Variants in CPSF4L observed in about 807,000 individuals in gnomAD.
CPSF4L encodes putative cleavage and polyadenylation specificity factor subunit 4-like protein.
A neutral mutation model predicts 24.0 loss-of-function variants in CPSF4L; 18 were observed. The observed-to-expected ratio is 0.75, with a 90% CI of 0.52 to 1.11. The LOEUF (loss-of-function observed/expected upper bound fraction) is 1.11. CPSF4L is among the 50% of genes least tolerant of loss of function. CPSF4L has a pLI of 0.00. For synonymous variants in CPSF4L, 72 were observed against 77.2 expected, an observed-to-expected ratio of 0.93 and a Z score of 0.35; for missense variants, 211 against 221.8, an observed-to-expected ratio of 0.95 and a Z score of 0.31.
chr17:73,262,895 C>G (rs1299929419), upstream of CPSF4L, among the ~76,000 whole-genome samples: 1 of 152,160 alleles, frequency 6.6e-6, no homozygotes, highest in African/African-American at 2.4e-5. Flanking sequence ...GCTGTTGTTC[C>G]CCGTGGCTGT....
At position 73,248,550 on chromosome 17, in the gene CPSF4L, A is replaced by G; in HGVS notation, c.498-14T>C. The stretch of plus-strand genomic sequence containing the variant: ...TCCCGAATCTTCCTGCAAGGTGCAT[A>G]CAAATGCAGCGTGAGAATCCATACA... On this transcript the variant is annotated splice_polypyrimidine_tract_variant and intron_variant, in intron 5 of 5. Transcript: ENST00000344935. 6.4e-7 allele frequency: 1 copy of G among 1,551,556 alleles called. No individual in the cohort carries two copies. The highest frequency in any genetic ancestry group is 8.7e-7 in the Non-Finnish European group (1 of 1,146,872).
intron 5 of CPSF4L, chr17:73,250,096 T>C (rs1466224481): frequency 3.3e-6 from 2 of 606,482 alleles, no homozygotes; most frequent in East Asian, 3.3e-5. Flanking sequence ...ACTTACAGGA[T>C]CAAAAGAAAT....
In CPSF4L at chr17:73,257,851, C is replaced by T. The variant is rs1019839474; in HGVS notation, c.155-18G>A. 2 of 1,550,720 alleles carry T rather than the reference C, an allele frequency of 1.3e-6. No homozygotes were observed. Among genetic ancestry groups the T allele is most frequent in the South Asian group, 1.2e-5 (1 of 84,010 alleles). ...GAGTTTCCCTGGAGATGCCAGAGCA[C>T]CTGGCTGGGAGGCCCCTCATCCACA... On this transcript the variant is annotated intron_variant, in intron 2 of 5. Coordinates refer to ENST00000344935, the MANE Select transcript of CPSF4L (RefSeq NM_001129885.1).
chr17:73,255,737 A>G (rs1364438599), intron 3 of CPSF4L, among the ~76,000 whole-genome samples: 1 of 152,170 alleles, frequency 6.6e-6, no homozygotes, highest in Non-Finnish European at 1.5e-5. Context: ...TTTCTAATGA[A>G]TCAAAGTGAC....
At chr17:73,247,640 A>G, downstream of CPSF4L, 1 of 247,294 alleles carries the variant, frequency 4.0e-6, no homozygotes, top group East Asian at 9.3e-5. Flanking sequence ...CATGAGTCCT[A>G]AAAGGATATC....
At chr17:73,245,578 A>G, downstream of CPSF4L, 1 of 985,446 alleles carries the variant, frequency 1.0e-6, no homozygotes, top group Non-Finnish European at 1.2e-6. Context: ...ATACCAGACT[A>G]CTACCTATAT....
At chr17:73,254,810 A>AT (rs1397120723) in intron 3 of CPSF4L, among the ~76,000 whole-genome samples, 3 of 152,030 alleles carry the variant, frequency 2.0e-5, no homozygotes, top group Admixed American at 1.3e-4. Flanking sequence ...CGCATGGCTA[A>AT]TTTTTTGTAT....
At chr17:73,247,438 T>A, downstream of CPSF4L, 2 of 1,235,794 alleles carry the variant, frequency 1.6e-6, no homozygotes, top group Non-Finnish European at 2.4e-6. Flanking sequence ...CTAAGTGTAG[T>A]GGTAGCATTA....
At chr17:73,243,089 T>C in the CPSF4L span, 1 of 803,748 alleles carries the variant, frequency 1.2e-6, no homozygotes, top group African/African-American at 2.5e-5. Flanking sequence ...TTTTTTTTTT[T>C]TTTTTTTTTT....
At chr17:73,242,346 A>C in the CPSF4L span, 1 of 1,570,126 alleles carries the variant, frequency 6.4e-7, no homozygotes. Context: ...GGAGCTGTAC[A>C]AAAAGGTGAG....
chr17:73,248,262 G>A, downstream of CPSF4L: 1 of 513,198 alleles, frequency 1.9e-6, no homozygotes, highest in Non-Finnish European at 3.5e-6. Context: ...ACGAATAGTA[G>A]ACAAGTAAGA....
At chr17:73,250,893 T>C (rs2062002951) in intron 5 of CPSF4L, 1 of 1,149,368 alleles carries the variant, frequency 8.7e-7, no homozygotes, top group African/African-American at 1.6e-5. Context: ...AAAGGAGTCA[T>C]TCTCCAGCTC....
rs1033513916 is a variant in CPSF4L at position 73,252,618 on chromosome 17, GATC to G, written c.497+9_497+11del. ...CTCTGGTGGGAGTTGGTAACTGAGG[GATC>G]ATACTTACTGAGCAAATTGGCACTT... On this transcript the variant is annotated intron_variant, in intron 5 of 5. Coordinates refer to ENST00000344935, the MANE Select transcript of CPSF4L (RefSeq NM_001129885.1). The G allele has an allele frequency of 2.6e-6, 4 of 1,509,604 alleles. No homozygotes were observed. The highest frequency in any genetic ancestry group is 3.6e-6 in the Non-Finnish European group (4 of 1,108,606). 93.5% of individuals were successfully genotyped at this position (1,509,604 alleles called of 1,614,324 possible).
In CPSF4L at chr17:73,248,672, TTAC is replaced by T. The variant is rs1389952393; in HGVS notation, c.498-139_498-137del. ...TGAGAGGACGTATTTGAAGGTTCTG[TTAC>T]TACAAGTTGGGAATATTCACGGACA... On this transcript the variant is annotated intron_variant, in intron 5 of 5. Transcript: ENST00000344935. 7 of 880,530 alleles carry T rather than the reference TTAC, an allele frequency of 7.9e-6. No individual in the cohort carries two copies. In the Admixed American group the frequency reaches 1.1e-4, roughly 13 times the overall value. The allele number at this position is 880,530 out of a possible 1,614,324, so 54.5% of individuals were successfully genotyped here.
chr17:73,261,762 G>C lies in CPSF4L; in HGVS notation c.57C>G (p.Val19=), dbSNP rs917410480. 1.3e-6 allele frequency: 2 copies of C among 1,551,752 alleles called. No individual in the cohort carries two copies. Among genetic ancestry groups the C allele is most frequent in the Non-Finnish European group, 8.7e-7 (1 of 1,146,974 alleles). The part of the protein sequence containing the change: ...ERFTFAFEKD[V]EMQKGTGLLP... Reference sequence around the variant, plus strand: ...GGAGCCCAGTGCCCTTCTGCATCTCGACATCCTTCTCGAAGGCAAAGGTGA... The same window carrying C: ...GGAGCCCAGTGCCCTTCTGCATCTCCACATCCTTCTCGAAGGCAAAGGTGA... Residue 19 remains valine (V), a synonymous_variant, in exon 1 of 6, where the codon GTC becomes GTG. Coordinates refer to ENST00000344935, the MANE Select transcript of CPSF4L (RefSeq NM_001129885.1).
downstream of CPSF4L, chr17:73,245,252 C>T (rs1247179431): frequency 6.3e-7 from 1 of 1,598,854 alleles, no homozygotes; most frequent in Non-Finnish European, 8.5e-7. Flanking sequence ...GAGACGACTG[C>T]AATACATACT....
chr17:73,247,104 AT>A, downstream of CPSF4L: 2 of 726,710 alleles, frequency 2.8e-6, no homozygotes, highest in African/African-American at 3.5e-5. Context: ...TGTAGTCAAA[AT>A]GTACAAAAAC....
upstream of CPSF4L, chr17:73,261,886 A>G: frequency 8.1e-7 from 1 of 1,237,698 alleles, no homozygotes; most frequent in Non-Finnish European, 1.2e-6. Flanking sequence ...ATAGCTCATC[A>G]GAGGCCCTTA....
At chr17:73,250,541 A>G (rs1460048361) in intron 5 of CPSF4L, among the ~76,000 whole-genome samples, 5 of 152,208 alleles carry the variant, frequency 3.3e-5, no homozygotes, top group African/African-American at 7.2e-5. Context: ...TGTCATCCCA[A>G]TAAAACTATT....
Sources: allele counts gnomAD v4.1 joint callset (sites outside exome capture counted in the v4.1 genomes callset), GRCh38; gene constraint gnomAD v4.1.1; transcripts MANE v1.5; gene names NCBI Gene and HGNC (gene_info 2026-07-23, HGNC 2026-07-21).